Variants in SARDH observed in about 807,000 individuals in gnomAD.
The protein encoded by SARDH is sarcosine dehydrogenase, mitochondrial.
A neutral mutation model predicts 109.1 loss-of-function variants in SARDH; 95 were observed. The observed-to-expected ratio is 0.87, with a 90% CI of 0.74 to 1.03. SARDH has a LOEUF of 1.03. SARDH is among the 50% of genes least tolerant of loss of function. SARDH has a pLI of 0.00. For missense variants in SARDH, 1,267 were observed against 1,287.8 expected (o/e 0.98, Z 0.25); for synonymous variants, 572 against 534.8 (o/e 1.07, Z -0.96).
At chr9:133,696,166 C>A in intron 14 of SARDH, 57 bp downstream of exon 14, 2 of 1,602,890 alleles carry the variant, frequency 1.2e-6, no homozygotes, top group Non-Finnish European at 8.5e-7. Context: ...CATCTCAGTG[C>A]CTGAGGCTGT....
At chr9:133,724,272 A>T (rs192958030) in intron 6 of SARDH, among the ~76,000 whole-genome samples, 4 of 152,360 alleles carry the variant, frequency 2.6e-5, no homozygotes, top group African/African-American at 9.6e-5. Context: ...TATGTAACAA[A>T]GGACCTGTAT....
chr9:133,713,384 G>A (rs993886871), intron 8 of SARDH, among the ~76,000 whole-genome samples: 2 of 152,170 alleles, frequency 1.3e-5, no homozygotes, highest in East Asian at 1.9e-4. Flanking sequence ...GTGGGGTCCC[G>A]CTGTCTTGTG....
chr9:133,714,055 T>C (rs985466657), intron 8 of SARDH, among the ~76,000 whole-genome samples: 1 of 152,178 alleles, frequency 6.6e-6, no homozygotes, highest in Non-Finnish European at 1.5e-5. Context: ...GCTGCTACTG[T>C]TGGCACCCCA....
chr9:133,695,325 C>A (rs1353540268), intron 14 of SARDH, among the ~76,000 whole-genome samples: 1 of 152,188 alleles, frequency 6.6e-6, no homozygotes, highest in Non-Finnish European at 1.5e-5. Flanking sequence ...CGCCTGTAAT[C>A]CCAGCTACTC....
chr9:133,699,038 A>G (rs566900692), intron 13 of SARDH, among the ~76,000 whole-genome samples: 20 of 152,352 alleles, frequency 1.3e-4, no homozygotes, highest in Non-Finnish European at 8.8e-5. Flanking sequence ...AACTATAAAA[A>G]AATTTGCAAC....
In SARDH at chr9:133,719,051, CAGAG is replaced by C; in HGVS notation, c.916-13_916-10del. On this transcript the variant is annotated splice_polypyrimidine_tract_variant and intron_variant, in intron 6 of 20. Coordinates refer to ENST00000439388, the MANE Select transcript of SARDH (RefSeq NM_001134707.2). ...CGGACATTGGGCATGTTCTGGAAGG[CAGAG>C]AGAGAGGCCTTGGCATCATCCAGAA... 17 of 1,603,820 alleles carry C rather than the reference CAGAG, an allele frequency of 1.1e-5. No homozygotes were observed. Among genetic ancestry groups the C allele is most frequent in the Non-Finnish European group, 1.4e-5 (16 of 1,171,740 alleles).
At position 133,712,478 on chromosome 9, in the gene SARDH, G is replaced by T; in HGVS notation, c.1328+141C>A. 1 of 685,080 alleles carries T rather than the reference G, an allele frequency of 1.5e-6. No individual in the cohort carries two copies. Among genetic ancestry groups the T allele is most frequent in the Non-Finnish European group, 2.5e-6 (1 of 394,890 alleles). The allele number at this position is 685,080 out of a possible 1,614,324, so 42.4% of individuals were successfully genotyped here. A position where few individuals can be genotyped will look rare whatever the true frequency, so the allele number is the denominator to read the frequency against. The stretch of plus-strand genomic sequence containing the variant: ...CAGCACTGCCCACCTTCTGCTGGTG[G>T]CCTTCCTCCCTCACTGCTGCCCCTT... On this transcript the variant is annotated intron_variant, in intron 10 of 20. Coordinates refer to ENST00000439388, the MANE Select transcript of SARDH (RefSeq NM_001134707.2). The surrounding 1 kb of genome is among the most constrained non-coding windows in gnomAD (Gnocchi z 4.1).
At position 133,670,607 on chromosome 9, in the gene SARDH, G is replaced by A. The variant is rs757154348; in HGVS notation, c.2472C>T (p.Arg824=). Residue 824 remains arginine, a synonymous_variant, in exon 19 of 21, where the codon CGC becomes CGT. Transcript: ENST00000439388. ...EQQRAAGLRR[R]LVCFTMEDKV... Reference sequence around the variant, plus strand: ...ACTCCTCCATGGTGAAGCACACCAGGCGCCGGCGGAGGCCTGCGGCCCGCT... The same window carrying A: ...ACTCCTCCATGGTGAAGCACACCAGACGCCGGCGGAGGCCTGCGGCCCGCT... The A allele has an allele frequency of 2.5e-5, 39 of 1,576,160 alleles. No homozygotes were observed. In the Middle Eastern group the frequency reaches 1.2e-3, roughly 47 times the overall value.
At chr9:133,707,188 TG>T (rs1427555303) in intron 11 of SARDH, among the ~76,000 whole-genome samples, 4 of 152,160 alleles carry the variant, frequency 2.6e-5, no homozygotes, top group African/African-American at 7.2e-5. Context: ...AAGATTTCCC[TG>T]GGGGGCAGGG....
At chr9:133,696,641 C>T (rs1293046370) in intron 13 of SARDH, among the ~76,000 whole-genome samples, 7 of 151,866 alleles carry the variant, frequency 4.6e-5, no homozygotes, top group Admixed American at 6.6e-5. Flanking sequence ...CCTCTGACCG[C>T]GATGTAATTA....
downstream of SARDH, among the ~76,000 whole-genome samples, chr9:133,660,549 C>T (rs945488920): frequency 1.7e-4 from 26 of 152,218 alleles, no homozygotes; most frequent in Non-Finnish European, 2.9e-5. Flanking sequence ...GCCCACCTTC[C>T]GAATGATTGG....
chr9:133,673,263 T>A (rs777011581), intron 17 of SARDH, among the ~76,000 whole-genome samples: 43 of 152,270 alleles, frequency 2.8e-4, no homozygotes, highest in Non-Finnish European at 5.6e-4. Context: ...CCACACCCAG[T>A]AACTGGAGTC....
intron 1 of SARDH, among the ~76,000 whole-genome samples, chr9:133,736,375 T>TTTGTTG (rs746043476): frequency 1.4e-5 from 2 of 144,884 alleles, no homozygotes; most frequent in East Asian, 2.0e-4. Flanking sequence ...TAAATTCTGT[T>TTTGTTG]TTGTTGTTGT....
intron 15 of SARDH, among the ~76,000 whole-genome samples, chr9:133,691,353 G>T (rs1489982812): frequency 6.6e-6 from 1 of 152,186 alleles, no homozygotes; most frequent in African/African-American, 2.4e-5. Flanking sequence ...GCCTCCTGTG[G>T]CCCTGACCAT....
chr9:133,663,437 C>T, downstream of SARDH: 2 of 238,176 alleles, frequency 8.4e-6, no homozygotes, highest in Middle Eastern at 1.2e-3. Flanking sequence ...CAGACAATGC[C>T]AGTCGATCAC....
intron 19 of SARDH, chr9:133,667,269 C>T (rs770600086): frequency 6.6e-4 from 214 of 322,900 alleles, no homozygotes; most frequent in Non-Finnish European, 8.9e-4. Context: ...CAGGTTCAAA[C>T]GATTCTCCTG....
chr9:133,712,907 C>A lies in SARDH; in HGVS notation c.1237+131G>T, dbSNP rs934407338. 1 of 1,032,220 alleles carries A rather than the reference C, an allele frequency of 9.7e-7. No homozygotes were observed. The allele number at this position is 1,032,220 out of a possible 1,614,324, so 63.9% of individuals were successfully genotyped here. A position where few individuals can be genotyped will look rare whatever the true frequency, so the allele number is the denominator to read the frequency against. ...TGCACTCTCTGGGAAGCAGAAGGGG[C>A]TGGACTCCCCAGCCTCTCCTGTCCC... is the stretch of plus-strand genomic sequence containing the variant. On this transcript the variant is annotated intron_variant, in intron 9 of 20. Coordinates refer to ENST00000439388, the MANE Select transcript of SARDH (RefSeq NM_001134707.2). This position sits in a 1 kb window ranked among gnomAD's most constrained non-coding sequence, Gnocchi z 4.1.
At chr9:133,724,559 A>T (rs1396417871) in intron 6 of SARDH, among the ~76,000 whole-genome samples, 1 of 152,214 alleles carries the variant, frequency 6.6e-6, no homozygotes, top group Non-Finnish European at 1.5e-5. Flanking sequence ...CGTATACCTC[A>T]CTGGTGGGAA....
chr9:133,717,413 C>A lies in SARDH; in HGVS notation c.1063G>T (p.Glu355Ter), dbSNP rs765810341. The change falls in exon 8 of 21, where the codon GAG (glutamate) becomes TAG (stop). Residue 355 changes from glutamate (E) to a stop codon, truncating the protein, a stop_gained. Transcript: ENST00000439388. LOFTEE classifies it high-confidence loss of function. ...FAFGLFDLDW[E>*]VFTQHIEGAI... The stretch of plus-strand genomic sequence containing the variant: ...CCTTCAATGTGCTGGGTGAACACCT[C>A]CCAGTCCAGGTCAAAGAGGCCGAAG... 1 of 1,614,122 alleles carries A rather than the reference C, an allele frequency of 6.2e-7. No homozygotes were observed. Among genetic ancestry groups the A allele is most frequent in the South Asian group, 1.1e-5 (1 of 91,078 alleles).
Sources: allele counts gnomAD v4.1 joint callset (sites outside exome capture counted in the v4.1 genomes callset), GRCh38; gene constraint gnomAD v4.1.1; non-coding constraint Gnocchi (gnomAD v3.1); transcripts MANE v1.5; gene names NCBI Gene and HGNC (gene_info 2026-07-23, HGNC 2026-07-21).